Variants in LCLAT1 observed in about 807,000 individuals in gnomAD.
The protein encoded by LCLAT1 is lysocardiolipin acyltransferase 1.
Under a neutral mutation model 30.7 loss-of-function variants are expected in LCLAT1, and 11 were observed. That is an observed-to-expected ratio of 0.36 (90% CI 0.23 to 0.59). The LOEUF is 0.59. Among genes scored for constraint, LCLAT1 ranks in the 20% least tolerant of loss-of-function variants. The probability of loss-of-function intolerance (pLI) is 0.77; values close to 1 mark genes in which losing one functional copy is unlikely to be tolerated. For missense variants in LCLAT1, 402 were observed against 458.6 expected (o/e 0.88, Z 1.13); for synonymous variants, 155 against 151.3 (o/e 1.02, Z -0.18).
At chr2:30,606,352 A>G (rs1243506882) in intron 5 of LCLAT1, 3 of 232,568 alleles carry the variant, frequency 1.3e-5, no homozygotes, top group African/African-American at 7.5e-5. Flanking sequence ...ACAGGGCTAC[A>G]GTAACCAAAA....
chr2:30,468,966 T>C (rs1682623927), intron 1 of LCLAT1, among the ~76,000 whole-genome samples: 1 of 152,254 alleles, frequency 6.6e-6, no homozygotes, highest in Non-Finnish European at 1.5e-5. Context: ...TATAGTGATA[T>C]CTCATTGTGG....
chr2:30,560,145 A>C (rs1257540382), intron 3 of LCLAT1, among the ~76,000 whole-genome samples: 2 of 152,280 alleles, frequency 1.3e-5, no homozygotes, highest in East Asian at 3.9e-4. Flanking sequence ...TTGGTGGATG[A>C]GACTGATATT....
intron 3 of LCLAT1, among the ~76,000 whole-genome samples, chr2:30,550,356 A>G (rs754850868): frequency 3.3e-5 from 5 of 152,178 alleles, no homozygotes; most frequent in Admixed American, 3.3e-4. Flanking sequence ...TTTTTCCACT[A>G]ATGTCCTTTT....
intron 1 of LCLAT1, among the ~76,000 whole-genome samples, chr2:30,489,483 G>C (rs1476981259): frequency 2.6e-5 from 4 of 152,124 alleles, no homozygotes; most frequent in African/African-American, 4.8e-5. Flanking sequence ...CTCCTGAGTA[G>C]CTGGGACTAC....
chr2:30,467,432 T>C (rs1307100576), intron 1 of LCLAT1, among the ~76,000 whole-genome samples: 1 of 152,258 alleles, frequency 6.6e-6, no homozygotes, highest in East Asian at 1.9e-4. Context: ...GCATGATTTA[T>C]AATCCTTTGG....
intron 5 of LCLAT1, among the ~76,000 whole-genome samples, chr2:30,579,110 C>T (rs1261758953): frequency 6.6e-6 from 1 of 152,062 alleles, no homozygotes; most frequent in Admixed American, 6.6e-5. Flanking sequence ...AGACAGTAGC[C>T]ATTCTTATAT....
At chr2:30,463,892 T>C (rs1682290902) in intron 1 of LCLAT1, among the ~76,000 whole-genome samples, 1 of 152,240 alleles carries the variant, frequency 6.6e-6, no homozygotes, top group South Asian at 2.1e-4. Flanking sequence ...TGGACGTTTA[T>C]ACTATTTCTA....
intron 5 of LCLAT1, among the ~76,000 whole-genome samples, chr2:30,630,124 G>A (rs150473423): frequency 3.3e-5 from 5 of 152,070 alleles, no homozygotes; most frequent in Non-Finnish European, 7.4e-5. Flanking sequence ...TTCATGGCTC[G>A]CAGATGGCCA....
intron 5 of LCLAT1, among the ~76,000 whole-genome samples, chr2:30,633,671 C>T (rs1035019641): frequency 6.6e-6 from 1 of 151,894 alleles, no homozygotes; most frequent in Non-Finnish European, 1.5e-5. Context: ...GGGGACAGAG[C>T]GAGACTCCAT....
chr2:30,528,731 A>G (rs1183533847), intron 2 of LCLAT1, among the ~76,000 whole-genome samples: 1 of 152,230 alleles, frequency 6.6e-6, no homozygotes, highest in Non-Finnish European at 1.5e-5. Context: ...AGTTTAACAC[A>G]TGGGTAAGAT....
chr2:30,539,157 AC>A (rs1663982382), intron 3 of LCLAT1, among the ~76,000 whole-genome samples: 1 of 147,140 alleles, frequency 6.8e-6, no homozygotes, highest in Non-Finnish European at 1.5e-5. Flanking sequence ...ATGGGGTTTC[AC>A]CATTTTGGCC....
chr2:30,584,982 C>T (rs1428438362), intron 5 of LCLAT1, among the ~76,000 whole-genome samples: 1 of 147,950 alleles, frequency 6.8e-6, no homozygotes, highest in Non-Finnish European at 1.5e-5. Flanking sequence ...CTAGGCTTAC[C>T]TAAAGGACAT....
intron 5 of LCLAT1, among the ~76,000 whole-genome samples, chr2:30,584,552 A>T (rs1345767874): frequency 6.6e-6 from 1 of 152,094 alleles, no homozygotes; most frequent in Non-Finnish European, 1.5e-5. Flanking sequence ...GTATGGCCAC[A>T]CTCTGACAAT....
chr2:30,493,405 C>G (rs992230987), intron 1 of LCLAT1, among the ~76,000 whole-genome samples: 3 of 152,156 alleles, frequency 2.0e-5, no homozygotes, highest in African/African-American at 7.2e-5. Flanking sequence ...AATCAAAGGA[C>G]TGAAGTATTT....
At chr2:30,593,301 C>G (rs1666776840) in intron 5 of LCLAT1, among the ~76,000 whole-genome samples, 1 of 150,284 alleles carries the variant, frequency 6.7e-6, no homozygotes, top group African/African-American at 2.4e-5. Flanking sequence ...TTTCTTTTCC[C>G]ATTCATCCGT....
At chr2:30,511,635 G>A (rs1018493858) in intron 1 of LCLAT1, among the ~76,000 whole-genome samples, 11 of 152,190 alleles carry the variant, frequency 7.2e-5, no homozygotes, top group African/African-American at 2.7e-4. Flanking sequence ...CTCATCCAGG[G>A]AAGATGGTCT....
At chr2:30,553,538 G>T (rs769205380) in intron 3 of LCLAT1, among the ~76,000 whole-genome samples, 1 of 152,212 alleles carries the variant, frequency 6.6e-6, no homozygotes, top group African/African-American at 2.4e-5. Flanking sequence ...ACAAATTGCC[G>T]GGCGCGGTGG....
intron 1 of LCLAT1, among the ~76,000 whole-genome samples, chr2:30,466,483 T>A (rs987059223): frequency 1.3e-5 from 2 of 152,206 alleles, no homozygotes; most frequent in African/African-American, 4.8e-5. Context: ...TTTTAAAAAT[T>A]TGACTGCTTG....
rs115870337 is a variant in LCLAT1 at position 30,544,983 on chromosome 2, T to C, written c.364+11669T>C. Reference sequence around the variant, plus strand: ...TTATTTTCTTTTCCTTCCTGAGTTATAAGCTACTTATAGAGTATCTTACCC... The same window carrying C: ...TTATTTTCTTTTCCTTCCTGAGTTACAAGCTACTTATAGAGTATCTTACCC... On this transcript the variant is annotated intron_variant, in intron 3 of 5. Coordinates refer to ENST00000379509, the MANE Select transcript of LCLAT1 (RefSeq NM_001002257.3). Among the ~76,000 whole-genome samples the C allele has an allele frequency of 1.7e-3, 259 of 152,320 alleles. 1 individual carries two copies. Among genetic ancestry groups the C allele is most frequent in the African/African-American group, 5.8e-3 (241 of 41,572 alleles).
Sources: gnomAD v4.1 joint callset for allele counts (sites outside exome capture counted in the v4.1 genomes callset) on GRCh38, gnomAD v4.1.1 for gene constraint, MANE v1.5 for transcripts, NCBI Gene and HGNC (gene_info 2026-07-23, HGNC 2026-07-21) for gene names.